The following RBFOX1 variants were observed in gnomAD, a reference collection of about 807,000 sequenced individuals.
RBFOX1 encodes the protein RNA binding fox-1 homolog 1.
A neutral mutation model predicts 57.7 loss-of-function variants in RBFOX1; 8 were observed. The ratio of observed to expected loss-of-function variants is 0.14; its 90% confidence interval spans 0.08 to 0.25. RBFOX1 has a LOEUF of 0.25. Ranked by LOEUF, RBFOX1 falls within the 10% of genes least tolerant of loss-of-function variation. RBFOX1 has a pLI of 1.00. For synonymous variants in RBFOX1, 326 were observed against 222.4 expected (o/e 1.47, Z -4.15); for missense variants, 611 against 548.5 (o/e 1.11, Z -1.14).
chr16:6,153,656 C>T (rs1052465388), intron 1 of RBFOX1, among the ~76,000 whole-genome samples: 1 of 152,148 alleles, frequency 6.6e-6, no homozygotes, highest in Non-Finnish European at 1.5e-5. Context: ...CTGTCTCAGC[C>T]TTCCTAGTAG....
chr16:6,045,356 G>A lies in RBFOX1; in HGVS notation c.-127+25364G>A, dbSNP rs909024213. 4.6e-5 allele frequency among the ~76,000 whole-genome samples: 7 copies of A among 152,128 alleles called. No homozygotes were observed. The East Asian group carries it at 1.2e-3, about 25-fold the overall frequency. ...GTTTGGTGATTTGAATCATGACTCC[G>A]AGAGTTGAGAGTTCTCTAGGAAGTA... On this transcript the variant is annotated intron_variant, in intron 1 of 15. Transcript: ENST00000550418.
At chr16:5,529,732 A>G (rs569227380) in intron 2 of RBFOX1, among the ~76,000 whole-genome samples, 16 of 151,912 alleles carry the variant, frequency 1.1e-4, no homozygotes, top group South Asian at 4.2e-4. Flanking sequence ...ACGCCTGGCT[A>G]ATTTTTTGTA....
intron 4 of RBFOX1, among the ~76,000 whole-genome samples, chr16:7,260,663 A>AT (rs896700324): frequency 1.1e-4 from 17 of 151,348 alleles, no homozygotes; most frequent in African/African-American, 2.7e-4. Context: ...TAGTTTATTG[A>AT]TTTTTTTTTA....
At chr16:5,864,832 A>G (rs2057309425) in intron 3 of RBFOX1, among the ~76,000 whole-genome samples, 2 of 152,130 alleles carry the variant, frequency 1.3e-5, no homozygotes, top group South Asian at 4.1e-4. Context: ...GTGGGCAATC[A>G]TTAGTTACCC....
chr16:6,895,229 C>G (rs948335206), intron 3 of RBFOX1, among the ~76,000 whole-genome samples: 1 of 151,774 alleles, frequency 6.6e-6, no homozygotes, highest in East Asian at 1.9e-4. Flanking sequence ...ACCTCAGAGA[C>G]CAAATGTATA....
At chr16:5,746,058 T>G (rs1484382384) in intron 3 of RBFOX1, among the ~76,000 whole-genome samples, 1 of 152,248 alleles carries the variant, frequency 6.6e-6, no homozygotes, top group Non-Finnish European at 1.5e-5. Flanking sequence ...CTTGTAGGGT[T>G]TCTATAGTTT....
chr16:7,210,680 T>G (rs2090953863), intron 4 of RBFOX1, among the ~76,000 whole-genome samples: 1 of 152,284 alleles, frequency 6.6e-6, no homozygotes. Flanking sequence ...TTAAAGTTCT[T>G]ACATGTGTTT....
intron 4 of RBFOX1, among the ~76,000 whole-genome samples, chr16:7,307,409 A>G (rs998477615): frequency 2.0e-5 from 3 of 152,268 alleles, no homozygotes; most frequent in Admixed American, 6.5e-5. Flanking sequence ...ATCGGAGTCT[A>G]CTCTGAATGG....
At chr16:5,580,325 A>G (rs1385210434) in intron 2 of RBFOX1, among the ~76,000 whole-genome samples, 1 of 152,174 alleles carries the variant, frequency 6.6e-6, no homozygotes, top group Non-Finnish European at 1.5e-5. Flanking sequence ...GCAGGGACTG[A>G]TTGGTAATTG....
chr16:7,468,290 T>C (rs941077843), intron 4 of RBFOX1, among the ~76,000 whole-genome samples: 1 of 152,158 alleles, frequency 6.6e-6, no homozygotes, highest in African/African-American at 2.4e-5. Context: ...CTCTGGCACC[T>C]TATCAAAAAA....
intron 1 of RBFOX1, among the ~76,000 whole-genome samples, chr16:5,464,625 A>T (rs2068896674): frequency 2.2e-5 from 2 of 89,742 alleles, no homozygotes; most frequent in African/African-American, 8.5e-5. Flanking sequence ...TCCTCCCCAG[A>T]CTGTAGGGCG....
chr16:6,468,672 G>C (rs1017482869), intron 2 of RBFOX1, among the ~76,000 whole-genome samples: 2 of 152,030 alleles, frequency 1.3e-5, no homozygotes, highest in Non-Finnish European at 2.9e-5. Flanking sequence ...GTGTGAGTTA[G>C]AACATTGAAA....
At chr16:6,921,349 G>A (rs1831974035) in intron 3 of RBFOX1, among the ~76,000 whole-genome samples, 1 of 152,166 alleles carries the variant, frequency 6.6e-6, no homozygotes, top group Non-Finnish European at 1.5e-5. Flanking sequence ...GGTGGGTTGT[G>A]TTCACATTTG....
intron 2 of RBFOX1, among the ~76,000 whole-genome samples, chr16:6,403,972 C>G (rs916040012): frequency 2.0e-5 from 3 of 152,088 alleles, no homozygotes; most frequent in Non-Finnish European, 4.4e-5. Flanking sequence ...GAGCTCTCAC[C>G]AGAATCCAAC....
chr16:6,861,863 G>C (rs1043309790), intron 3 of RBFOX1, among the ~76,000 whole-genome samples: 15 of 93,074 alleles, frequency 1.6e-4, no homozygotes, highest in Non-Finnish European at 2.9e-4. Context: ...TTTTGGTCTA[G>C]CTTGCACTTT....
chr16:7,110,365 A>G (rs1414654332), intron 4 of RBFOX1, among the ~76,000 whole-genome samples: 1 of 150,444 alleles, frequency 6.6e-6, no homozygotes, highest in African/African-American at 2.4e-5. Context: ...TGACTCTTAA[A>G]AAAAAGATCG....
At chr16:6,312,175 A>G (rs901882002) in intron 1 of RBFOX1, among the ~76,000 whole-genome samples, 1 of 152,164 alleles carries the variant, frequency 6.6e-6, no homozygotes, top group Non-Finnish European at 1.5e-5. Context: ...AACTCACTCA[A>G]TAAATGGGCA....
intron 4 of RBFOX1, among the ~76,000 whole-genome samples, chr16:7,123,822 A>G (rs927981070): frequency 6.6e-6 from 1 of 152,188 alleles, no homozygotes; most frequent in African/African-American, 2.4e-5. Flanking sequence ...TTGCAATATA[A>G]GAAGAAGGGT....
chr16:5,538,122 A>G (rs1011831422), intron 2 of RBFOX1, among the ~76,000 whole-genome samples: 1 of 152,190 alleles, frequency 6.6e-6, no homozygotes, highest in South Asian at 2.1e-4. Flanking sequence ...GAGCAGGAAC[A>G]TTGAGGAGAC....
Sources: gnomAD v4.1 joint callset for allele counts (sites outside exome capture counted in the v4.1 genomes callset) on GRCh38, gnomAD v4.1.1 for gene constraint, MANE v1.5 for transcripts, NCBI Gene and HGNC (gene_info 2026-07-23, HGNC 2026-07-21) for gene names.